Variants in FGGY observed in about 807,000 individuals in gnomAD.
FGGY encodes the protein FGGY carbohydrate kinase domain-containing protein.
A neutral mutation model predicts 71.3 loss-of-function variants in FGGY; 72 were observed. The observed-to-expected ratio is 1.01, with a 90% CI of 0.84 to 1.23. The LOEUF is 1.23. Ranked by LOEUF, FGGY falls within the 50% of genes most tolerant of loss-of-function variation. FGGY has a pLI of 0.00. For synonymous variants in FGGY, 251 were observed against 250.3 expected (o/e 1.00, Z -0.02); for missense variants, 668 against 682.3 (o/e 0.98, Z 0.23).
At chr1:59,522,494 G>A (rs1428400359) in intron 7 of FGGY, among the ~76,000 whole-genome samples, 3 of 152,182 alleles carry the variant, frequency 2.0e-5, no homozygotes, top group Non-Finnish European at 4.4e-5. Context: ...CATCAATCAT[G>A]GGGAATAAGG....
At chr1:59,605,542 T>C (rs1026956687) in intron 8 of FGGY, among the ~76,000 whole-genome samples, 1 of 152,228 alleles carries the variant, frequency 6.6e-6, no homozygotes, top group Non-Finnish European at 1.5e-5. Context: ...TAAGCTGAAC[T>C]TACTTTTCTT....
At chr1:59,651,196 G>A (rs2153933594) in intron 11 of FGGY, among the ~76,000 whole-genome samples, 1 of 152,236 alleles carries the variant, frequency 6.6e-6, no homozygotes. Flanking sequence ...TGGAATAGGT[G>A]TGGTGCGGTG....
At chr1:59,671,454 T>C (rs1188232646) in intron 13 of FGGY, among the ~76,000 whole-genome samples, 1 of 152,114 alleles carries the variant, frequency 6.6e-6, no homozygotes, top group Non-Finnish European at 1.5e-5. Context: ...CAGCAGAAGC[T>C]TAGCCAAGGA....
At chr1:59,471,082 C>T (rs1449107302) in intron 6 of FGGY, among the ~76,000 whole-genome samples, 1 of 152,196 alleles carries the variant, frequency 6.6e-6, no homozygotes, top group Non-Finnish European at 1.5e-5. Flanking sequence ...CTCTGCATCC[C>T]CACCCAAATC....
At chr1:59,468,872 TAAAAAAAAAAA>T (rs397967555) in intron 6 of FGGY, among the ~76,000 whole-genome samples, 2 of 119,578 alleles carry the variant, frequency 1.7e-5, no homozygotes, top group African/African-American at 6.5e-5. Context: ...ACTCTGTCTT[TAAAAAAAAAAA>T]AAAAAAAAAA....
At chr1:59,512,075 G>C (rs2094532143) in intron 6 of FGGY, among the ~76,000 whole-genome samples, 1 of 152,148 alleles carries the variant, frequency 6.6e-6, no homozygotes, top group Non-Finnish European at 1.5e-5. Flanking sequence ...TATCTGGTTT[G>C]AATGATGCTT....
At chr1:59,514,519 TG>T (rs1287666205) in intron 7 of FGGY, among the ~76,000 whole-genome samples, 5 of 152,346 alleles carry the variant, frequency 3.3e-5, no homozygotes, top group Admixed American at 6.5e-5. Flanking sequence ...TTAAGCCTTT[TG>T]TTCCCCGTAA....
At chr1:59,500,906 A>G (rs565587152) in intron 6 of FGGY, among the ~76,000 whole-genome samples, 4 of 152,168 alleles carry the variant, frequency 2.6e-5, no homozygotes, top group South Asian at 4.1e-4. Context: ...CTTCATTTCT[A>G]TGCAAGTAAG....
chr1:59,334,319 T>G (rs898451481), intron 2 of FGGY, among the ~76,000 whole-genome samples: 1 of 151,974 alleles, frequency 6.6e-6, no homozygotes, highest in African/African-American at 2.4e-5. Context: ...GTTTTTGTAT[T>G]TTTTAGTAGA....
intron 11 of FGGY, among the ~76,000 whole-genome samples, chr1:59,654,297 T>C (rs1388754073): frequency 6.6e-6 from 1 of 152,214 alleles, no homozygotes; most frequent in Admixed American, 6.5e-5. Context: ...CTTTAGAGGC[T>C]TCCTATAAAT....
intron 8 of FGGY, among the ~76,000 whole-genome samples, chr1:59,589,272 C>T (rs970089103): frequency 2.8e-4 from 42 of 152,280 alleles, no homozygotes; most frequent in Non-Finnish European, 2.1e-4. Flanking sequence ...TACAGGAGCA[C>T]GCAGTTTCAT....
At chr1:59,582,133 C>A (rs980853507) in intron 8 of FGGY, among the ~76,000 whole-genome samples, 1 of 149,404 alleles carries the variant, frequency 6.7e-6, no homozygotes, top group Non-Finnish European at 1.5e-5. Flanking sequence ...CCTGTAGTCC[C>A]AGCTACTTGG....
chr1:59,372,660 A>G (rs1317463514), intron 4 of FGGY, among the ~76,000 whole-genome samples: 3 of 152,216 alleles, frequency 2.0e-5, no homozygotes, highest in East Asian at 3.8e-4. Context: ...AAAATCCTCA[A>G]TAAAATACTG....
intron 4 of FGGY, among the ~76,000 whole-genome samples, chr1:59,377,404 G>T (rs1477299652): frequency 6.6e-6 from 1 of 152,126 alleles, no homozygotes; most frequent in East Asian, 1.9e-4. Context: ...GTATTTGGTG[G>T]CAGGAGAGAG....
intron 2 of FGGY, among the ~76,000 whole-genome samples, chr1:59,332,921 G>C (rs1246753351): frequency 6.6e-6 from 1 of 152,148 alleles, no homozygotes; most frequent in East Asian, 1.9e-4. Context: ...ATAAGGCATT[G>C]AGTGCATTTC....
chr1:59,351,207 G>A (rs1422592308), intron 4 of FGGY, among the ~76,000 whole-genome samples: 1 of 152,182 alleles, frequency 6.6e-6, no homozygotes, highest in South Asian at 2.1e-4. Flanking sequence ...GAGTAGTTGA[G>A]ACAGAGACTA....
intron 7 of FGGY, among the ~76,000 whole-genome samples, chr1:59,514,722 G>A (rs1012803180): frequency 1.3e-5 from 2 of 152,102 alleles, no homozygotes; most frequent in Non-Finnish European, 2.9e-5. Context: ...GTTTATCAGG[G>A]GTTTCCGCTT....
chr1:59,594,094 G>T (rs1406749131), intron 8 of FGGY, among the ~76,000 whole-genome samples: 1 of 152,080 alleles, frequency 6.6e-6, no homozygotes, highest in African/African-American at 2.4e-5. Context: ...CAACCCACTA[G>T]GGACACAAAT....
At chr1:59,741,705 G>A (rs962130212) in intron 14 of FGGY, among the ~76,000 whole-genome samples, 2 of 152,020 alleles carry the variant, frequency 1.3e-5, no homozygotes, top group African/African-American at 2.4e-5. Context: ...GGGAGGCCGA[G>A]GCAGGTGGAT....
Sources: gnomAD v4.1 joint callset for allele counts (sites outside exome capture counted in the v4.1 genomes callset) on GRCh38, gnomAD v4.1.1 for gene constraint, MANE v1.5 for transcripts, NCBI Gene and HGNC (gene_info 2026-07-23, HGNC 2026-07-21) for gene names.